CNBD2: variants seen among roughly 807,000 people sequenced by gnomAD.
The protein encoded by CNBD2 is cyclic nucleotide-binding domain-containing protein 2.
A neutral mutation model predicts 63.7 loss-of-function variants in CNBD2; 64 were observed. That is an observed-to-expected ratio of 1.00 (90% confidence interval 0.82 to 1.24). CNBD2 has a LOEUF of 1.24. CNBD2 is among the 50% of genes most tolerant of loss of function. CNBD2 has a pLI of 0.00. For missense variants in CNBD2, 691 were observed against 713.5 expected (o/e 0.97, Z 0.36); for synonymous variants, 229 against 255.4 (o/e 0.90, Z 0.99).
At chr20:35,990,300 CA>C (rs2056727676) in intron 7 of CNBD2, among the ~76,000 whole-genome samples, 1 of 152,188 alleles carries the variant, frequency 6.6e-6, no homozygotes. Flanking sequence ...ATAGCTGCTA[CA>C]CTGCAAAGAG....
At chr20:36,005,213 G>A (rs2056968286) in intron 8 of CNBD2, among the ~76,000 whole-genome samples, 1 of 152,108 alleles carries the variant, frequency 6.6e-6, no homozygotes, top group Non-Finnish European at 1.5e-5. Context: ...CTGGTTTCGT[G>A]GAAGACAATT....
In CNBD2 at chr20:35,995,076, C is replaced by T. The variant is rs148809575; in HGVS notation, c.894C>T (p.Ala298=). 4 of 1,613,986 alleles carry T rather than the reference C, an allele frequency of 2.5e-6. No individual in the cohort carries two copies. Among genetic ancestry groups the T allele is most frequent in the African/African-American group, 2.7e-5 (2 of 74,910 alleles). Residue 298 remains alanine (A), a synonymous_variant, in exon 8 of 12, where the codon GCC becomes GCT. Coordinates refer to ENST00000373973, the MANE Select transcript of CNBD2 (RefSeq NM_001365709.1). The stretch of plus-strand genomic sequence containing the variant: ...TCCTGCGGCTGTTGGACCTTGGGGC[C>T]TCCCCTTCCTACCGTAGATGGATCT... ...CEVLRLLDLG[A]SPSYRRWIWQ... is the part of the protein sequence containing the mutation.
At chr20:35,995,213 C>A in intron 8 of CNBD2, 61 bp downstream of exon 8, 1 of 1,121,718 alleles carries the variant, frequency 8.9e-7, no homozygotes, top group Non-Finnish European at 1.4e-6. Context: ...TTTCCAGTTC[C>A]CAGCACATAG....
chr20:35,965,853 C>G (rs902581346), upstream of CNBD2, among the ~76,000 whole-genome samples: 2 of 152,134 alleles, frequency 1.3e-5, no homozygotes, highest in African/African-American at 4.8e-5. Flanking sequence ...TTCTTCTTCC[C>G]CAAAGCTGAT....
chr20:36,030,371 G>A lies in CNBD2; in HGVS notation c.1454G>A (p.Cys485Tyr). ...CTGCCCTTTAGTGATGAAGATATGT[G>A]CCAGAAGTTCCTCCAGCAGAACAGC... ...NIAFPSDEDM[C>Y]QKFLQQNSWN... is the part of the protein sequence containing the mutation. Residue 485 changes from cysteine to tyrosine, a missense_variant, in exon 12 of 12, where the codon TGC (cysteine) becomes TAC (tyrosine). Transcript: ENST00000373973. 2 of 1,614,130 alleles carry A rather than the reference G, an allele frequency of 1.2e-6. No homozygotes were observed. The highest frequency in any genetic ancestry group is 1.7e-6 in the Non-Finnish European group (2 of 1,180,020).
At chr20:35,978,529 A>G (rs1021830370) in intron 3 of CNBD2, among the ~76,000 whole-genome samples, 3 of 152,128 alleles carry the variant, frequency 2.0e-5, no homozygotes, top group Non-Finnish European at 4.4e-5. Context: ...TATTTTTAGT[A>G]GAGACGGGGT....
chr20:35,986,795 G>T (rs1021847216), intron 6 of CNBD2, among the ~76,000 whole-genome samples: 2 of 152,184 alleles, frequency 1.3e-5, no homozygotes, highest in Admixed American at 6.5e-5. Context: ...GCATATGAAG[G>T]CAGGCAAGCC....
chr20:35,980,183 C>T (rs937061067), intron 3 of CNBD2, among the ~76,000 whole-genome samples: 2 of 152,092 alleles, frequency 1.3e-5, no homozygotes, highest in Non-Finnish European at 2.9e-5. Flanking sequence ...CAACACAGGT[C>T]GGGGGGATGT....
chr20:36,000,305 A>C (rs6121121), intron 8 of CNBD2, among the ~76,000 whole-genome samples: 6 of 152,056 alleles, frequency 3.9e-5, no homozygotes, highest in African/African-American at 1.4e-4. Flanking sequence ...TTTGACTTGC[A>C]TTGTTTTCAG....
downstream of CNBD2, among the ~76,000 whole-genome samples, chr20:35,958,386 C>T (rs1462971594): frequency 2.6e-5 from 4 of 152,070 alleles, no homozygotes; most frequent in South Asian, 2.1e-4. Context: ...GAGCTGAGAT[C>T]GTGCCACTGC....
chr20:36,001,372 C>G (rs2056898352), intron 8 of CNBD2, among the ~76,000 whole-genome samples: 1 of 147,918 alleles, frequency 6.8e-6, no homozygotes, highest in South Asian at 2.1e-4. Context: ...GGGGGCTGAC[C>G]CCCCCACCTC....
chr20:36,020,641 G>A (rs2057195078), intron 10 of CNBD2, among the ~76,000 whole-genome samples: 2 of 152,224 alleles, frequency 1.3e-5, no homozygotes, highest in African/African-American at 4.8e-5. Context: ...CACATCTGAG[G>A]ATAACCCCCA....
intron 10 of CNBD2, among the ~76,000 whole-genome samples, chr20:36,017,949 C>A (rs1296598743): frequency 6.6e-6 from 1 of 152,252 alleles, no homozygotes; most frequent in Non-Finnish European, 1.5e-5. Context: ...CCCCTGCCCC[C>A]ACTACTGGAT....
At position 35,972,668 on chromosome 20, in the gene CNBD2, C is replaced by T. The variant is rs138466031; in HGVS notation, c.91C>T (p.Arg31Ter). ...CGCCATGGATATCATCATAATGATCCGAGTGTGTAAAATGTTCCGCCAAGG... is the reference window on the plus strand; with the variant it reads ...CGCCATGGATATCATCATAATGATCTGAGTGTGTAAAATGTTCCGCCAAGG... ...QLAMDIIIMIRVCKMFRQGLR... is the reference protein window; with the variant it reads ...QLAMDIIIMI Residue 31 changes from arginine (R) to a stop codon, truncating the protein, a stop_gained, in exon 2 of 12, where the codon CGA becomes TGA. Coordinates refer to ENST00000373973, the MANE Select transcript of CNBD2 (RefSeq NM_001365709.1). LOFTEE classifies it high-confidence loss of function. 21 of 1,613,706 alleles carry T rather than the reference C, an allele frequency of 1.3e-5. No homozygotes were observed. The highest frequency in any genetic ancestry group is 1.6e-4 in the Middle Eastern group (1 of 6,082).
At chr20:35,987,587 A>G (rs1001437893) in intron 7 of CNBD2, 54 bp downstream of exon 7, 2 of 1,601,192 alleles carry the variant, frequency 1.2e-6, no homozygotes, top group Non-Finnish European at 1.7e-6. Flanking sequence ...CATGCCTAAG[A>G]TCATGTCCTG....
intron 10 of CNBD2, among the ~76,000 whole-genome samples, chr20:36,022,127 G>A (rs1480565007): frequency 1.3e-5 from 2 of 150,040 alleles, no homozygotes; most frequent in African/African-American, 4.9e-5. Flanking sequence ...CCCTGCCTCA[G>A]CCTCCCAAGT....
intron 1 of CNBD2, among the ~76,000 whole-genome samples, chr20:35,969,251 G>A (rs1282370651): frequency 1.3e-5 from 2 of 152,166 alleles, no homozygotes; most frequent in Non-Finnish European, 2.9e-5. Flanking sequence ...GATAATACTA[G>A]TACCTACTGC....
Position 36,012,822 on chromosome 20 carries a change from C to CAA in CNBD2, c.1269+1582_1269+1583dup, listed in dbSNP as rs141479430. Among the ~76,000 whole-genome samples the CAA allele has an allele frequency of 3.7e-3, 324 of 87,064 alleles. 5 individuals are homozygous for CAA. The highest frequency in any genetic ancestry group is 7.1e-3 in the African/African-American group (184 of 26,014). The allele number at this position is 87,064 out of a possible 152,430, so 57.1% of individuals were successfully genotyped here. ...GGGCAACAAGAGTGAAAATCCGTCT[C>CAA]AAAAAAAAAAAAAAAAAAGAATTCA... On this transcript the variant is annotated intron_variant, in intron 10 of 11. Transcript: ENST00000373973.
intron 9 of CNBD2, 121 bp from the exon 10 acceptor site, chr20:36,011,016 A>T: frequency 9.6e-7 from 1 of 1,041,300 alleles, no homozygotes; most frequent in Non-Finnish European, 1.3e-6. Flanking sequence ...GCCTTCTGGG[A>T]AGTTGTGAAT....
Sources: gnomAD v4.1 joint callset for allele counts (sites outside exome capture counted in the v4.1 genomes callset) on GRCh38, gnomAD v4.1.1 for gene constraint, MANE v1.5 for transcripts, NCBI Gene and HGNC (gene_info 2026-07-23, HGNC 2026-07-21) for gene names.